Variants in DESI1 observed in about 807,000 individuals in gnomAD.
DESI1 encodes PPPDE peptidase domain containing 2.
Under a neutral mutation model 22.4 loss-of-function variants are expected in DESI1, and 17 were observed. That is an observed-to-expected ratio of 0.76 (90% CI 0.52 to 1.14). DESI1 has a LOEUF of 1.14. Ranked by LOEUF, DESI1 falls within the 50% of genes most tolerant of loss-of-function variation. The pLI, the probability that DESI1 is intolerant of heterozygous loss-of-function variation, is 0.00. For synonymous variants in DESI1, 92 were observed against 84.2 expected (o/e 1.09, Z -0.51); for missense variants, 177 against 208.9 (o/e 0.85, Z 0.94).
chr22:41,602,624 AACG>A, intron 5 of DESI1: 1 of 986,540 alleles, frequency 1.0e-6, no homozygotes, highest in South Asian at 4.7e-5. Context: ...GAATGCAATC[AACG>A]ACAAGAGGGA....
intron 5 of DESI1, chr22:41,602,800 C>G: frequency 9.7e-7 from 1 of 1,029,286 alleles, no homozygotes; most frequent in Non-Finnish European, 1.2e-6. Context: ...TACATGAGGG[C>G]AAGTAGAACA....
chr22:41,618,989 G>A (rs1569072703), intron 1 of DESI1, among the ~76,000 whole-genome samples: 2 of 152,062 alleles, frequency 1.3e-5, no homozygotes, highest in Admixed American at 6.6e-5. Context: ...GCGTGAACCC[G>A]GGAGGCGGAG....
intron 3 of DESI1, among the ~76,000 whole-genome samples, chr22:41,606,599 C>T (rs186306599): frequency 2.8e-4 from 42 of 151,904 alleles, no homozygotes; most frequent in African/African-American, 9.7e-4. Context: ...TGCTGAAACA[C>T]CGTATCTACT....
Position 41,599,460 on chromosome 22 carries a change from A to G in DESI1, c.*1637T>C, listed in dbSNP as rs2067437737. On this transcript the variant is annotated 3_prime_UTR_variant, in exon 6 of 6. Coordinates refer to ENST00000263256, the MANE Select transcript of DESI1 (RefSeq NM_015704.3). The stretch of plus-strand genomic sequence containing the variant: ...CCCCAACCTGCCTTTCTAAAGTCAG[A>G]ATGACAATGGAAATAACGTGTGCCT... 1 of 152,234 alleles carries G rather than the reference A, an allele frequency of 6.6e-6. No homozygotes were observed. Among genetic ancestry groups the G allele is most frequent in the Non-Finnish European group, 1.5e-5 (1 of 68,044 alleles). 9.4% of individuals were successfully genotyped at this position (152,234 alleles called of 1,614,324 possible). A position where few individuals can be genotyped will look rare whatever the true frequency, so the allele number is the denominator to read the frequency against.
chr22:41,606,182 G>A (rs1400621692), intron 3 of DESI1, among the ~76,000 whole-genome samples: 1 of 151,812 alleles, frequency 6.6e-6, no homozygotes, highest in African/African-American at 2.4e-5. Context: ...GGCAACATAG[G>A]GAGATCCTAT....
Position 41,604,198 on chromosome 22 carries a change from C to T in DESI1, c.181-45G>A, listed in dbSNP as rs377471461. ...GGAAGTCATTAAGTTACCATCTCCA[C>T]TGAATGTTTTAATGTGGCTTCCCAC... On this transcript the variant is annotated intron_variant, in intron 3 of 5. Transcript: ENST00000263256. The T allele has an allele frequency of 4.4e-4, 684 of 1,560,082 alleles. 8 individuals carry two copies. The South Asian group carries it at 5.9e-3, about 13-fold the overall frequency.
At chr22:41,613,212 A>G (rs966150379) in intron 1 of DESI1, among the ~76,000 whole-genome samples, 2 of 152,224 alleles carry the variant, frequency 1.3e-5, no homozygotes, top group African/African-American at 4.8e-5. Flanking sequence ...GAACATTTCC[A>G]TCACTGCAGA....
intron 3 of DESI1, among the ~76,000 whole-genome samples, chr22:41,605,463 A>T (rs1022417243): frequency 6.6e-6 from 1 of 152,200 alleles, no homozygotes; most frequent in African/African-American, 2.4e-5. Context: ...CCCTGAAAAG[A>T]TCATTCATTC....
chr22:41,611,591 CTTTTTTTT>C (rs132764), intron 1 of DESI1, among the ~76,000 whole-genome samples: 3 of 103,902 alleles, frequency 2.9e-5, no homozygotes, highest in African/African-American at 3.7e-5. Context: ...CCTGTTCCTT[CTTTTTTTT>C]TTTTTTTTTT....
chr22:41,603,388 A>G lies in DESI1; in HGVS notation c.291-7T>C, dbSNP rs963375372. On this transcript the variant is annotated splice_region_variant and splice_polypyrimidine_tract_variant and intron_variant, in intron 4 of 5. Coordinates refer to ENST00000263256, the MANE Select transcript of DESI1 (RefSeq NM_015704.3). ...GAGGTTGTAGGCCTCACCTCTGTAC[A>G]TTGAAAGGTTTGCAGAACATATATG... 6.2e-7 allele frequency: 1 copy of G among 1,614,168 alleles called. No homozygotes were observed. The highest frequency in any genetic ancestry group is 1.1e-5 in the South Asian group (1 of 91,080).
Position 41,607,347 on chromosome 22 carries a change from A to G in DESI1, c.111-16T>C. On this transcript the variant is annotated splice_polypyrimidine_tract_variant and intron_variant, in intron 2 of 5. Coordinates refer to ENST00000263256, the MANE Select transcript of DESI1 (RefSeq NM_015704.3). Reference sequence around the variant, plus strand: ...GGATGTGTGCCTGTCACACAGAGAGAGACACAGTAAGCCAGAAAACTTAAA... The same window carrying G: ...GGATGTGTGCCTGTCACACAGAGAGGGACACAGTAAGCCAGAAAACTTAAA... 1 of 1,595,492 alleles carries G rather than the reference A, an allele frequency of 6.3e-7. No individual in the cohort carries two copies. The highest frequency in any genetic ancestry group is 8.5e-7 in the Non-Finnish European group (1 of 1,173,094).
At position 41,603,317 on chromosome 22, in the gene DESI1, G is replaced by A; in HGVS notation, c.355C>T (p.Leu119=). 3.1e-6 allele frequency: 5 copies of A among 1,614,248 alleles called. No individual in the cohort carries two copies. The highest frequency in any genetic ancestry group is 4.2e-6 in the Non-Finnish European group (5 of 1,180,052). The change falls in exon 5 of 6, where the codon CTG becomes TTG. Residue 119 remains leucine (L), a synonymous_variant. Transcript: ENST00000263256. ...NTFSNEVAQF[L]TGRKIPSYIT... is the part of the protein sequence containing the mutation. ...TAAGAAGGAATCTTCCGCCCAGTCA[G>A]GAACTGTGCCACTTCGTTGCTGAAG... is the stretch of plus-strand genomic sequence containing the variant.
chr22:41,620,146 G>A (rs2067576982), intron 1 of DESI1, among the ~76,000 whole-genome samples: 1 of 152,172 alleles, frequency 6.6e-6, no homozygotes. Flanking sequence ...GGAGAAGACT[G>A]CTTGGTGAAT....
At chr22:41,607,937 C>A in intron 1 of DESI1, 76 bp from the exon 2 acceptor site, 4 of 1,539,852 alleles carry the variant, frequency 2.6e-6, no homozygotes, top group Non-Finnish European at 3.6e-6. Flanking sequence ...TTCATGACAT[C>A]ACTCAAACCC....
At chr22:41,603,534 C>G (rs1328529178) in intron 4 of DESI1, among the ~76,000 whole-genome samples, 153 bp from the exon 5 acceptor site, 1 of 152,218 alleles carries the variant, frequency 6.6e-6, no homozygotes, top group Non-Finnish European at 1.5e-5. Flanking sequence ...GCTTATTTGC[C>G]ATTCTGGCCA....
At position 41,620,775 on chromosome 22, in the gene DESI1, C is replaced by T. The variant is rs774020818; in HGVS notation, c.65G>A (p.Arg22Gln). 3 of 1,611,968 alleles carry T rather than the reference C, an allele frequency of 1.9e-6. No homozygotes were observed. The South Asian group carries it at 3.3e-5, about 18-fold the overall frequency. Residue 22 changes from arginine (R) to glutamine (Q), a missense_variant, in exon 1 of 6, where the codon CGG (arginine) becomes CAG (glutamine). Physicochemically the swap from Arg to Gln is conservative, Grantham distance 43. Coordinates refer to ENST00000263256, the MANE Select transcript of DESI1 (RefSeq NM_015704.3). ...ACCCAGCATGATGGGGCTGAGCCGC[C>T]GGGCCAGGCCTTTGGACAGGTCGTA... ...YVYDLSKGLA[R>Q]RLSPIMLGKQ...
intron 3 of DESI1, 137 bp from the exon 4 acceptor site, chr22:41,604,290 G>A (rs978962216): frequency 3.8e-5 from 25 of 660,302 alleles, no homozygotes; most frequent in East Asian, 6.6e-5. Flanking sequence ...AGTTTCTCTC[G>A]TCACCCAGGC....
intron 1 of DESI1, among the ~76,000 whole-genome samples, chr22:41,613,710 C>T (rs1251707986): frequency 6.6e-6 from 1 of 152,218 alleles, no homozygotes; most frequent in East Asian, 1.9e-4. Context: ...TACTGCACTC[C>T]CAGTCTACTG....
chr22:41,611,584 G>C (rs1261933667), intron 1 of DESI1, among the ~76,000 whole-genome samples: 3 of 135,728 alleles, frequency 2.2e-5, no homozygotes, highest in African/African-American at 8.4e-5. Context: ...TCTCTTACCT[G>C]TTCCTTCTTT....
Sources: gnomAD v4.1 joint callset for allele counts (sites outside exome capture counted in the v4.1 genomes callset) on GRCh38, gnomAD v4.1.1 for gene constraint, MANE v1.5 for transcripts, NCBI Gene and HGNC (gene_info 2026-07-23, HGNC 2026-07-21) for gene names.